The following IGSF11 variants were observed in gnomAD, a reference collection of about 807,000 sequenced individuals.
The protein encoded by IGSF11 is CXADR like 1.
A neutral mutation model predicts 41.0 loss-of-function variants in IGSF11; 22 were observed. The ratio of observed to expected loss-of-function variants is 0.54; its 90% CI spans 0.38 to 0.77. The LOEUF (loss-of-function observed/expected upper bound fraction) is 0.77, where lower values mean the gene tolerates loss of function less well. Among genes scored for constraint, IGSF11 ranks in the 30% least tolerant of loss-of-function variants. The probability of loss-of-function intolerance (pLI) is 0.00; values close to 1 mark genes in which losing one functional copy is unlikely to be tolerated. For synonymous variants in IGSF11, 219 were observed against 201.3 expected, an observed-to-expected ratio of 1.09 and a Z score of -0.74; for missense variants, 444 against 530.8, an observed-to-expected ratio of 0.84 and a Z score of 1.61.
At chr3:118,964,221 A>C (rs1330634544) in intron 1 of IGSF11, among the ~76,000 whole-genome samples, 1 of 152,196 alleles carries the variant, frequency 6.6e-6, no homozygotes, top group Non-Finnish European at 1.5e-5. Context: ...ATGGGTTTGT[A>C]TATTTGTTTC....
At chr3:118,962,780 G>C (rs549450043) in intron 1 of IGSF11, among the ~76,000 whole-genome samples, 1 of 148,834 alleles carries the variant, frequency 6.7e-6, no homozygotes, top group South Asian at 2.1e-4. Flanking sequence ...GTAGGCAAAG[G>C]AAGCAGAACT....
At chr3:118,912,771 T>C (rs949894862) in intron 4 of IGSF11, among the ~76,000 whole-genome samples, 1 of 152,164 alleles carries the variant, frequency 6.6e-6, no homozygotes, top group Non-Finnish European at 1.5e-5. Context: ...ATTAGTATGC[T>C]TACAATTATT....
At chr3:118,978,438 C>G (rs995213872) in intron 1 of IGSF11, among the ~76,000 whole-genome samples, 1 of 152,242 alleles carries the variant, frequency 6.6e-6, no homozygotes, top group African/African-American at 2.4e-5. Context: ...CAGCCCACCA[C>G]CGCCATCCAT....
chr3:118,933,485 T>C (rs965843289), intron 1 of IGSF11, among the ~76,000 whole-genome samples: 9 of 150,154 alleles, frequency 6.0e-5, no homozygotes, highest in African/African-American at 2.2e-4. Context: ...TATATATATA[T>C]ATATACACAC....
intron 1 of IGSF11, among the ~76,000 whole-genome samples, chr3:119,062,667 G>A (rs1450979249): frequency 2.0e-5 from 3 of 152,158 alleles, no homozygotes; most frequent in Non-Finnish European, 4.4e-5. Flanking sequence ...TAGCAAGGTG[G>A]CACTTCAAAC....
At chr3:118,913,000 T>C (rs1940533775) in intron 4 of IGSF11, among the ~76,000 whole-genome samples, 1 of 151,620 alleles carries the variant, frequency 6.6e-6, no homozygotes, top group Non-Finnish European at 1.5e-5. Flanking sequence ...ACTCCATCTC[T>C]TAAAAGAAGG....
intron 4 of IGSF11, among the ~76,000 whole-genome samples, chr3:118,907,947 C>G (rs906796745): frequency 5.9e-5 from 9 of 152,184 alleles, no homozygotes; most frequent in African/African-American, 2.2e-4. Flanking sequence ...GCCTATCTCC[C>G]TCTTCATGTA....
rs140954878 is a variant in IGSF11, at chr3:119,051,690, C to G, written c.49+53454G>C. Among the ~76,000 whole-genome samples, 217 of 152,286 alleles carry G rather than the reference C, an allele frequency of 1.4e-3. 2 individuals carry two copies. The highest frequency in any genetic ancestry group is 4.7e-3 in the African/African-American group (196 of 41,582). On this transcript the variant is annotated intron_variant, in intron 1 of 6. Coordinates refer to the IGSF11 transcript ENST00000354673. Reference sequence around the variant, plus strand: ...GCACAATATACATTCTATTTATCAGCACATGGAACATTCTCCAAGATAGAC... The same window carrying G: ...GCACAATATACATTCTATTTATCAGGACATGGAACATTCTCCAAGATAGAC...
intron 1 of IGSF11, among the ~76,000 whole-genome samples, chr3:119,029,274 A>ACACACC (rs35892047): frequency 1.6e-4 from 23 of 143,710 alleles, no homozygotes; most frequent in Non-Finnish European, 2.6e-4. Context: ...ACACACACAC[A>ACACACC]CCCGAGAGAG....
In IGSF11 at chr3:118,927,315, G is replaced by A. The variant is rs527843152; in HGVS notation, c.425-1059C>T. ...ATCTTCTTTTTAAAAATGATGCTGA[G>A]AAGTTAAGTCTGGACAAACAAAAAA... On this transcript the variant is annotated intron_variant, in intron 3 of 6. Transcript: ENST00000393775. 4.3e-4 allele frequency among the ~76,000 whole-genome samples: 66 copies of A among 152,220 alleles called. 1 individual carries two copies. The highest frequency in any genetic ancestry group is 1.6e-3 in the African/African-American group (65 of 41,536).
At chr3:118,910,768 T>G (rs1940176637) in intron 4 of IGSF11, among the ~76,000 whole-genome samples, 1 of 152,276 alleles carries the variant, frequency 6.6e-6, no homozygotes, top group South Asian at 2.1e-4. Flanking sequence ...AATGTCAAAC[T>G]TTTACACTTG....
chr3:119,026,821 T>C (rs1939875199), intron 1 of IGSF11, among the ~76,000 whole-genome samples: 2 of 152,232 alleles, frequency 1.3e-5, no homozygotes, highest in Admixed American at 1.3e-4. Context: ...CCTTCATATC[T>C]ACTTGAATGA....
At chr3:119,001,750 C>A (rs910196602) in intron 1 of IGSF11, among the ~76,000 whole-genome samples, 1 of 150,224 alleles carries the variant, frequency 6.7e-6, no homozygotes, top group African/African-American at 2.5e-5. Context: ...TGATAGTTTA[C>A]TGAGAATGAT....
chr3:118,944,457 T>TACAC lies in IGSF11; in HGVS notation c.53-14186_53-14183dup, dbSNP rs3079206. Among the ~76,000 whole-genome samples, 609 of 125,796 alleles carry TACAC rather than the reference T, an allele frequency of 4.8e-3. 5 individuals are homozygous for TACAC. Among genetic ancestry groups the TACAC allele is most frequent in the South Asian group, 0.011 (38 of 3,338 alleles). The allele number at this position is 125,796 out of a possible 152,430, so 82.5% of individuals were successfully genotyped here. Reference sequence around the variant, plus strand: ...TGTGGTCTATTGCCTTAGCTTGAAATACACACACACACACACACACACACA... The same window carrying TACAC: ...TGTGGTCTATTGCCTTAGCTTGAAATACACACACACACACACACACACACACACA... On this transcript the variant is annotated intron_variant, in intron 1 of 6. Coordinates refer to ENST00000393775, the MANE Select transcript of IGSF11 (RefSeq NM_001015887.3).
intron 1 of IGSF11, among the ~76,000 whole-genome samples, chr3:118,949,488 C>T (rs1467697802): frequency 6.6e-6 from 1 of 152,122 alleles, no homozygotes; most frequent in Non-Finnish European, 1.5e-5. Context: ...TAAGATTCTC[C>T]TGAAATCTAA....
At chr3:119,113,081 G>C (rs1279415508) in intron 1 of IGSF11, among the ~76,000 whole-genome samples, 3 of 152,158 alleles carry the variant, frequency 2.0e-5, no homozygotes, top group Non-Finnish European at 4.4e-5. Context: ...CAAGAGAGAA[G>C]TCTGCCCCAC....
intron 4 of IGSF11, among the ~76,000 whole-genome samples, chr3:118,920,608 A>T (rs1454928534): frequency 6.7e-6 from 1 of 148,372 alleles, no homozygotes; most frequent in Non-Finnish European, 1.5e-5. Flanking sequence ...AATTAAAAAT[A>T]ACACAAAAAG....
intron 1 of IGSF11, among the ~76,000 whole-genome samples, chr3:119,011,496 G>T (rs1162610592): frequency 6.6e-6 from 1 of 152,158 alleles, no homozygotes; most frequent in Non-Finnish European, 1.5e-5. Context: ...TGTGGAGGCT[G>T]AAACTCCAGT....
chr3:118,921,156 C>T (rs903261179), intron 4 of IGSF11, among the ~76,000 whole-genome samples: 5 of 152,160 alleles, frequency 3.3e-5, no homozygotes, highest in Non-Finnish European at 4.4e-5. Context: ...AATTTTTCCC[C>T]ACAGAACTTT....
Sources: allele counts gnomAD v4.1 joint callset (sites outside exome capture counted in the v4.1 genomes callset), GRCh38; gene constraint gnomAD v4.1.1; transcripts MANE v1.5; gene names NCBI Gene and HGNC (gene_info 2026-07-23, HGNC 2026-07-21).